NTRK3: variants seen among roughly 807,000 people sequenced by gnomAD.
NTRK3 encodes the protein neurotrophic receptor tyrosine kinase 3, also known as NT-3 growth factor receptor.
NTRK3 carries 24 observed loss-of-function variants against 91.7 expected under a neutral mutation model. The observed-to-expected ratio is 0.26, with a 90% confidence interval of 0.19 to 0.37. The LOEUF is 0.37. Ranked by LOEUF, NTRK3 falls within the 10% of genes least tolerant of loss-of-function variation. The probability of loss-of-function intolerance (pLI) is 1.00; values close to 1 mark genes in which losing one functional copy is unlikely to be tolerated. For missense variants in NTRK3, 880 were observed against 1,068.9 expected, an observed-to-expected ratio of 0.82 and a Z score of 2.46; for synonymous variants, 483 against 404.0, an observed-to-expected ratio of 1.20 and a Z score of -2.34.
chr15:87,934,281 T>G (rs2069072991), intron 15 of NTRK3, among the ~76,000 whole-genome samples: 1 of 152,172 alleles, frequency 6.6e-6, no homozygotes, highest in Non-Finnish European at 1.5e-5. Flanking sequence ...AACATTGAGT[T>G]GTTTCAACTG....
At chr15:88,137,633 G>A in intron 6 of NTRK3, 72 bp from the exon 7 acceptor site, 4 of 1,518,386 alleles carry the variant, frequency 2.6e-6, no homozygotes, top group South Asian at 1.2e-5. Context: ...GGGCTATGAG[G>A]ACAAGGGGGA....
chr15:87,952,207 AAAG>A (rs1441016491), intron 14 of NTRK3, among the ~76,000 whole-genome samples: 4 of 151,178 alleles, frequency 2.6e-5, no homozygotes, highest in South Asian at 4.1e-4. Context: ...GGAAAGAAAG[AAAG>A]AAGAAAAGAA....
intron 17 of NTRK3, among the ~76,000 whole-genome samples, chr15:87,913,324 T>G (rs1011195184): frequency 2.6e-5 from 4 of 152,040 alleles, no homozygotes; most frequent in African/African-American, 9.7e-5. Flanking sequence ...AAACTCAATA[T>G]CTATGTCACA....
rs543204462 is a variant in NTRK3, at chr15:88,239,354, G to C, written c.248+16552C>G. Reference sequence around the variant, plus strand: ...CAAAGAGGAGCTGCAGCCTGAACATGAACAGCTCTGAGTGCCACAGAGAGA... The same window carrying C: ...CAAAGAGGAGCTGCAGCCTGAACATCAACAGCTCTGAGTGCCACAGAGAGA... On this transcript the variant is annotated intron_variant, in intron 3 of 18. Transcript: ENST00000394480. 4.6e-5 allele frequency among the ~76,000 whole-genome samples: 7 copies of C among 151,478 alleles called. No individual in the cohort carries two copies. The East Asian group carries it at 1.4e-3, about 29-fold the overall frequency.
At chr15:88,046,505 G>C (rs955580133) in intron 13 of NTRK3, among the ~76,000 whole-genome samples, 13 of 152,190 alleles carry the variant, frequency 8.5e-5, no homozygotes, top group African/African-American at 3.1e-4. Flanking sequence ...ACCTGAGACA[G>C]TCAACCAGGG....
At chr15:87,900,610 G>A (rs2066390602) in intron 17 of NTRK3, among the ~76,000 whole-genome samples, 1 of 151,914 alleles carries the variant, frequency 6.6e-6, no homozygotes, top group Admixed American at 6.6e-5. Flanking sequence ...ATCTGAATCA[G>A]GACATCAAGA....
At chr15:88,135,861 C>T (rs1270917567) in intron 9 of NTRK3, 38 bp downstream of exon 9, 1 of 1,612,306 alleles carries the variant, frequency 6.2e-7, no homozygotes, top group Non-Finnish European at 8.5e-7. Context: ...CCAGTTGCCC[C>T]TCACACACAG....
intron 5 of NTRK3, among the ~76,000 whole-genome samples, chr15:88,152,230 G>C (rs1169743043): frequency 6.6e-6 from 1 of 152,152 alleles, no homozygotes; most frequent in African/African-American, 2.4e-5. Flanking sequence ...GAACCCAGGA[G>C]GTGGAAGTTG....
intron 13 of NTRK3, among the ~76,000 whole-genome samples, chr15:88,094,388 G>A (rs550333709): frequency 6.9e-6 from 1 of 145,392 alleles, no homozygotes; most frequent in East Asian, 2.2e-4. Context: ...AGAATGGCGT[G>A]AACCCGGGAA....
At chr15:88,227,353 C>T (rs147041972) in intron 3 of NTRK3, among the ~76,000 whole-genome samples, 107 of 152,312 alleles carry the variant, frequency 7.0e-4, no homozygotes, top group African/African-American at 2.5e-3. Context: ...AGTCCTAGCC[C>T]CTACCTAGAG....
At position 87,979,531 on chromosome 15, in the gene NTRK3, A is replaced by G; in HGVS notation, c.1586-38778T>C. 3.7e-6 allele frequency: 4 copies of G among 1,078,308 alleles called. No homozygotes were observed. The South Asian group carries it at 5.4e-5, about 15-fold the overall frequency. 66.8% of individuals were successfully genotyped at this position (1,078,308 alleles called of 1,614,324 possible). ...AAAGTAAAAACCAAAACCCCCAAAG[A>G]AGATCAAAACTAGGAGGGGAAATAG... On this transcript the variant is annotated intron_variant, in intron 14 of 18. Coordinates refer to ENST00000394480, the Ensembl canonical transcript of NTRK3.
intron 13 of NTRK3, among the ~76,000 whole-genome samples, chr15:88,067,983 G>A (rs1191642786): frequency 1.3e-5 from 2 of 152,020 alleles, no homozygotes; most frequent in Admixed American, 6.6e-5. Flanking sequence ...CACATCTTAC[G>A]GGCTGTGACT....
chr15:87,861,837 T>C, exon 19 of NTRK3: 1 of 205,938 alleles, frequency 4.9e-6, no homozygotes, highest in Non-Finnish European at 9.9e-6. Context: ...CTGGGGCTTC[T>C]ATTGGCATCA....
chr15:87,931,067 T>C (rs2068754180), intron 16 of NTRK3: 6 of 356,944 alleles, frequency 1.7e-5, no homozygotes, highest in Non-Finnish European at 3.3e-5. Context: ...CCTTTTTCTT[T>C]TCTTCTTACT....
chr15:88,004,166 C>T (rs984448531), intron 14 of NTRK3, among the ~76,000 whole-genome samples: 3 of 152,104 alleles, frequency 2.0e-5, no homozygotes, highest in Non-Finnish European at 2.9e-5. Context: ...TACAATTTGT[C>T]CAGTATCACT....
intron 14 of NTRK3, among the ~76,000 whole-genome samples, chr15:87,948,419 G>A (rs1177698996): frequency 2.0e-5 from 3 of 152,222 alleles, no homozygotes; most frequent in Non-Finnish European, 4.4e-5. Flanking sequence ...CAGGTGCGGT[G>A]GCTCACGCCT....
At chr15:88,229,230 G>T (rs893345972) in intron 3 of NTRK3, among the ~76,000 whole-genome samples, 5 of 152,134 alleles carry the variant, frequency 3.3e-5, no homozygotes, top group Admixed American at 2.6e-4. Flanking sequence ...ATACATAATG[G>T]TATTCAACTC....
At chr15:88,010,285 C>A (rs2076781678) in intron 14 of NTRK3, among the ~76,000 whole-genome samples, 1 of 152,214 alleles carries the variant, frequency 6.6e-6, no homozygotes, top group Non-Finnish European at 1.5e-5. Context: ...GCCCTGCCAT[C>A]TGCTTTTCTT....
At chr15:88,249,954 G>T (rs559946228) in intron 3 of NTRK3, among the ~76,000 whole-genome samples, 1 of 152,192 alleles carries the variant, frequency 6.6e-6, no homozygotes, top group South Asian at 2.1e-4. Context: ...GGTCATTCCC[G>T]CAATGCTGCC....
Sources: allele counts gnomAD v4.1 joint callset (sites outside exome capture counted in the v4.1 genomes callset), GRCh38; gene constraint gnomAD v4.1.1; transcripts MANE v1.5; gene names NCBI Gene and HGNC (gene_info 2026-07-23, HGNC 2026-07-21).